The following DGKB variants were observed in gnomAD, a reference collection of about 807,000 sequenced individuals.
The protein encoded by DGKB is 90 kDa diacylglycerol kinase.
A neutral mutation model predicts 114.3 loss-of-function variants in DGKB; 67 were observed. That is an observed-to-expected ratio of 0.59 (90% confidence interval 0.48 to 0.72). DGKB has a LOEUF of 0.72. DGKB is among the 30% of genes least tolerant of loss of function. The pLI is 0.00. For missense variants in DGKB, 907 were observed against 975.2 expected, an observed-to-expected ratio of 0.93 and a Z score of 0.93; for synonymous variants, 398 against 323.1, an observed-to-expected ratio of 1.23 and a Z score of -2.49.
intron 23 of DGKB, chr7:14,209,216 C>A: frequency 7.3e-6 from 2 of 273,384 alleles, no homozygotes; most frequent in East Asian, 1.1e-4. Context: ...CACCATTCAT[C>A]AATTTTTAAA....
intron 1 of DGKB, among the ~76,000 whole-genome samples, chr7:14,926,385 C>T (rs1419705919): frequency 2.6e-5 from 4 of 151,722 alleles, no homozygotes; most frequent in Non-Finnish European, 5.9e-5. Context: ...ATTGAATATT[C>T]GAATGTTTCA....
At chr7:14,569,498 G>A (rs973099482) in intron 20 of DGKB, among the ~76,000 whole-genome samples, 1 of 152,070 alleles carries the variant, frequency 6.6e-6, no homozygotes, top group Non-Finnish European at 1.5e-5. Flanking sequence ...TTTCTAGGAA[G>A]CTAGGTTTGA....
At chr7:14,904,129 T>C (rs143690137), upstream of DGKB, among the ~76,000 whole-genome samples, 27 of 152,244 alleles carry the variant, frequency 1.8e-4, no homozygotes, top group Middle Eastern at 3.4e-3. Flanking sequence ...ATAGAATACT[T>C]CTTAATTACT....
chr7:14,186,365 C>A (rs1584325983), intron 23 of DGKB, among the ~76,000 whole-genome samples: 1 of 152,180 alleles, frequency 6.6e-6, no homozygotes, highest in East Asian at 1.9e-4. Context: ...AATCAAAAAA[C>A]AGTAGATGTT....
In DGKB at chr7:14,645,435, C is replaced by T. The variant is rs1194072111; in HGVS notation, c.1135-15167G>A. Among the ~76,000 whole-genome samples, 3 of 151,896 alleles carry T rather than the reference C, an allele frequency of 2.0e-5. No homozygotes were observed. The East Asian group carries it at 5.8e-4, about 29-fold the overall frequency. On this transcript the variant is annotated intron_variant, in intron 13 of 25. Transcript: ENST00000402815. ...CTCGCCGAACAACAGGACAGAAAAA[C>T]CCACTGGGTGCCACCTTCTCCTGCT...
At position 14,406,574 on chromosome 7, in the gene DGKB, A is replaced by G. The variant is rs62444635; in HGVS notation, c.1836-61183T>C. Among the ~76,000 whole-genome samples, 783 of 152,154 alleles carry G rather than the reference A, an allele frequency of 5.1e-3. 5 individuals carry two copies. The highest frequency in any genetic ancestry group is 0.017 in the Middle Eastern group (5 of 294). ...AAGTGGCTGTTATATGGAAAACCAT[A>G]AAACAATCATTGGTGATCCTTGTTT... On this transcript the variant is annotated intron_variant, in intron 21 of 25. Coordinates refer to ENST00000402815, the MANE Select transcript of DGKB (RefSeq NM_001350709.2).
intron 21 of DGKB, among the ~76,000 whole-genome samples, chr7:14,375,941 TAC>T: frequency 6.6e-6 from 1 of 152,354 alleles, no homozygotes; most frequent in East Asian, 1.9e-4. Context: ...GAACTAGGCA[TAC>T]AGTCTTGGGG....
chr7:14,793,845 C>A (rs1447975221), intron 2 of DGKB, among the ~76,000 whole-genome samples: 1 of 151,884 alleles, frequency 6.6e-6, no homozygotes. Context: ...TCTGTGGACT[C>A]AATAAAGTAG....
intron 1 of DGKB, among the ~76,000 whole-genome samples, chr7:14,970,837 C>G (rs1417120758): frequency 6.6e-6 from 1 of 152,100 alleles, no homozygotes. Context: ...CTTCCCCAGC[C>G]ATAGACACCA....
chr7:14,146,634 T>C lies in DGKB; in HGVS notation c.*2497A>G, dbSNP rs1443994009. On this transcript the variant is annotated 3_prime_UTR_variant, in exon 26 of 26. Transcript: ENST00000402815. ...ATTTCAAACCCATCAAGTTACGTTTTTAAAAACTACTTTCCAAACCCCAGG... is the reference window on the plus strand; with the variant it reads ...ATTTCAAACCCATCAAGTTACGTTTCTAAAAACTACTTTCCAAACCCCAGG... 6.6e-6 allele frequency: 1 copy of C among 152,154 alleles called. No individual in the cohort carries two copies. The highest frequency in any genetic ancestry group is 2.4e-5 in the African/African-American group (1 of 41,444). The allele number at this position is 152,154 out of a possible 1,614,324, so 9.4% of individuals were successfully genotyped here. A position where few individuals can be genotyped will look rare whatever the true frequency, so the allele number is the denominator to read the frequency against.
At chr7:14,969,011 T>A (rs1787316930) in intron 1 of DGKB, among the ~76,000 whole-genome samples, 1 of 152,208 alleles carries the variant, frequency 6.6e-6, no homozygotes, top group Non-Finnish European at 1.5e-5. Flanking sequence ...AGTCTGTCAT[T>A]TATTTTGATG....
intron 5 of DGKB, chr7:14,718,966 T>G (rs1049428104): frequency 4.2e-6 from 1 of 236,542 alleles, no homozygotes; most frequent in African/African-American, 2.2e-5. Flanking sequence ...TGGTACACAT[T>G]TGAATGCTTG....
At chr7:14,789,457 G>A (rs1473786999) in intron 2 of DGKB, among the ~76,000 whole-genome samples, 1 of 152,030 alleles carries the variant, frequency 6.6e-6, no homozygotes, top group African/African-American at 2.4e-5. Context: ...CTATTCTGTG[G>A]TATAGGGCTA....
intron 23 of DGKB, among the ~76,000 whole-genome samples, chr7:14,217,202 TTATTAAAA>T (rs1321863427): frequency 6.7e-6 from 1 of 148,632 alleles, no homozygotes. Flanking sequence ...TCCTATTTAT[TTATTAAAA>T]TTTTAAAGTG....
intron 23 of DGKB, among the ~76,000 whole-genome samples, chr7:14,219,254 A>T (rs1181291679): frequency 1.3e-5 from 2 of 151,912 alleles, no homozygotes; most frequent in African/African-American, 4.8e-5. Context: ...TTCTGTAGAC[A>T]TAAGCTTTCA....
At chr7:14,523,948 G>A (rs114089983) in intron 20 of DGKB, among the ~76,000 whole-genome samples, 3 of 152,064 alleles carry the variant, frequency 2.0e-5, no homozygotes, top group African/African-American at 7.2e-5. Flanking sequence ...ATACTATATA[G>A]AGAACACCAA....
In DGKB at chr7:14,241,251, C is replaced by CTAAT. The variant is rs1284900739; in HGVS notation, c.2123-63104_2123-63101dup. On this transcript the variant is annotated intron_variant, in intron 23 of 25. Transcript: ENST00000402815. ...CACAATAGAAAAAACAACCAGCAGCCTAATTTACATTGAGTAGTCCAAACA... is the reference window on the plus strand; with the variant it reads ...CACAATAGAAAAAACAACCAGCAGCCTAATTAATTTACATTGAGTAGTCCAAACA... 3.3e-5 allele frequency among the ~76,000 whole-genome samples: 5 copies of CTAAT among 152,090 alleles called. No homozygotes were observed. In the East Asian group the frequency reaches 7.7e-4, roughly 23 times the overall value.
At chr7:14,231,583 TTTA>T (rs141451544) in intron 23 of DGKB, among the ~76,000 whole-genome samples, 34,347 of 151,758 alleles carry the variant, frequency 0.23, 3,947 homozygotes, top group Middle Eastern at 0.32. Flanking sequence ...TGTGTATATG[TTTA>T]TTATTATGCA....
chr7:14,638,706 G>A (rs1016088081), intron 13 of DGKB, among the ~76,000 whole-genome samples: 2 of 152,220 alleles, frequency 1.3e-5, no homozygotes, highest in Admixed American at 1.3e-4. Context: ...CTGCTATGTT[G>A]ACTTTAAGCT....
Sources: allele counts gnomAD v4.1 joint callset (sites outside exome capture counted in the v4.1 genomes callset), GRCh38; gene constraint gnomAD v4.1.1; transcripts MANE v1.5; gene names NCBI Gene and HGNC (gene_info 2026-07-23, HGNC 2026-07-21).